The following CTNNBL1 variants were observed in gnomAD, a reference collection of about 807,000 sequenced individuals.
CTNNBL1 encodes catenin beta like 1, also known as beta-catenin-like protein 1.
Under a neutral mutation model 72.7 loss-of-function variants are expected in CTNNBL1, and 31 were observed. The observed-to-expected ratio is 0.43, with a 90% confidence interval of 0.32 to 0.58. CTNNBL1 has a LOEUF of 0.58. Among genes scored for constraint, CTNNBL1 ranks in the 20% least tolerant of loss-of-function variants. CTNNBL1 has a pLI of 0.08. For missense variants in CTNNBL1, 534 were observed against 725.1 expected, an observed-to-expected ratio of 0.74 and a Z score of 3.03; for synonymous variants, 240 against 267.3, an observed-to-expected ratio of 0.90 and a Z score of 1.00.
At chr20:37,845,740 T>C (rs1341042882) in intron 13 of CTNNBL1, among the ~76,000 whole-genome samples, 1 of 152,190 alleles carries the variant, frequency 6.6e-6, no homozygotes, top group East Asian at 1.9e-4. Flanking sequence ...AATTTGAATG[T>C]CCTACACCAA....
chr20:37,746,510 G>A lies in CTNNBL1; in HGVS notation c.369G>A (p.Glu123=). 6.2e-7 allele frequency: 1 copy of A among 1,614,112 alleles called. No homozygotes were observed. Among genetic ancestry groups the A allele is most frequent in the East Asian group, 2.2e-5 (1 of 44,882 alleles). ...TGGACCTAAATGACATCATTCAGGA[G>A]ATGCACGTGGTGGCCACCATGCCAG... ...SELDLNDIIQ[E]MHVVATMPDL... is the part of the protein sequence containing the mutation. Residue 123 remains glutamate (E), a synonymous_variant, in exon 4 of 16, where the codon GAG becomes GAA. Coordinates refer to ENST00000361383, the MANE Select transcript of CTNNBL1 (RefSeq NM_030877.5).
chr20:37,747,094 A>G (rs2073272591), intron 4 of CTNNBL1, among the ~76,000 whole-genome samples: 2 of 152,166 alleles, frequency 1.3e-5, no homozygotes, highest in African/African-American at 4.8e-5. Context: ...TCCTAAAAAC[A>G]AGGCTGAGTG....
intron 7 of CTNNBL1, among the ~76,000 whole-genome samples, chr20:37,771,484 A>G (rs2073523149): frequency 6.6e-6 from 1 of 151,832 alleles, no homozygotes; most frequent in South Asian, 2.1e-4. Context: ...ATCAGATCCC[A>G]CCTTCTCTGC....
chr20:37,720,561 G>GT (rs1337443871), intron 1 of CTNNBL1, among the ~76,000 whole-genome samples: 1 of 152,162 alleles, frequency 6.6e-6, no homozygotes. Context: ...CAGAAAAATA[G>GT]TTTTCATTTA....
chr20:37,705,007 A>G (rs1221752100), intron 1 of CTNNBL1, among the ~76,000 whole-genome samples: 5 of 152,238 alleles, frequency 3.3e-5, no homozygotes, highest in Admixed American at 3.3e-4. Context: ...AACCAATTAG[A>G]GAAGTTTTCG....
chr20:37,749,608 G>A (rs2122630866), intron 4 of CTNNBL1, among the ~76,000 whole-genome samples: 1 of 151,898 alleles, frequency 6.6e-6, no homozygotes, highest in South Asian at 2.1e-4. Flanking sequence ...AAAATCTGAT[G>A]TTTAATTATG....
chr20:37,762,672 G>GGAATA (rs2073428452), intron 5 of CTNNBL1, among the ~76,000 whole-genome samples: 1 of 152,096 alleles, frequency 6.6e-6, no homozygotes, highest in Non-Finnish European at 1.5e-5. Flanking sequence ...GGGGTTAGAG[G>GGAATA]GAATAGAATA....
intron 15 of CTNNBL1, among the ~76,000 whole-genome samples, chr20:37,871,697 C>T (rs902737392): frequency 2.6e-5 from 4 of 151,928 alleles, no homozygotes; most frequent in African/African-American, 7.3e-5. Context: ...TACATGAGGG[C>T]GGAAGTGAAG....
chr20:37,855,138 C>T (rs1414573485), intron 13 of CTNNBL1, among the ~76,000 whole-genome samples: 1 of 147,792 alleles, frequency 6.8e-6, no homozygotes, highest in Non-Finnish European at 1.5e-5. Flanking sequence ...CCCCTTACCC[C>T]TTTCTAATGT....
intron 1 of CTNNBL1, among the ~76,000 whole-genome samples, chr20:37,704,067 G>A (rs1026943270): frequency 8.5e-5 from 13 of 152,134 alleles, no homozygotes; most frequent in African/African-American, 2.9e-4. Flanking sequence ...ATGAGCCACC[G>A]TGCCCGGCCA....
intron 15 of CTNNBL1, among the ~76,000 whole-genome samples, chr20:37,863,571 A>G (rs1308156103): frequency 6.6e-6 from 1 of 152,182 alleles, no homozygotes; most frequent in African/African-American, 2.4e-5. Flanking sequence ...AGGACAGGGC[A>G]GGATGCAGTG....
chr20:37,831,082 C>T (rs1473511346), intron 11 of CTNNBL1, among the ~76,000 whole-genome samples: 1 of 152,232 alleles, frequency 6.6e-6, no homozygotes, highest in Non-Finnish European at 1.5e-5. Context: ...TTTCTGTCCA[C>T]CAACTTTACC....
chr20:37,758,105 T>C (rs1230300950), intron 5 of CTNNBL1, among the ~76,000 whole-genome samples: 1 of 152,226 alleles, frequency 6.6e-6, no homozygotes, highest in Non-Finnish European at 1.5e-5. Context: ...CTTTCACAAA[T>C]GTTTTTCTCA....
At position 37,858,957 on chromosome 20, in the gene CTNNBL1, G is replaced by A. The variant is rs188987947; in HGVS notation, c.1393-942G>A. Among the ~76,000 whole-genome samples the A allele has an allele frequency of 4.9e-4, 75 of 152,270 alleles. 1 individual carries two copies. In the East Asian group the frequency reaches 9.8e-3, roughly 20 times the overall value. On this transcript the variant is annotated intron_variant, in intron 13 of 15. Transcript: ENST00000361383. ...CATTGGTTTCAGAGTTGTGGAGAAAGGGGACCTTTCTCCCCTGTGTTTAAC... is the reference window on the plus strand; with the variant it reads ...CATTGGTTTCAGAGTTGTGGAGAAAAGGGACCTTTCTCCCCTGTGTTTAAC...
chr20:37,824,384 C>T (rs778515684), intron 11 of CTNNBL1, among the ~76,000 whole-genome samples: 1 of 152,240 alleles, frequency 6.6e-6, no homozygotes, highest in African/African-American at 2.4e-5. Context: ...GGCACTAGGA[C>T]CTTCCTCACT....
chr20:37,719,425 C>T lies in CTNNBL1; in HGVS notation c.31-13454C>T, dbSNP rs140982637. On this transcript the variant is annotated intron_variant, in intron 1 of 15. Transcript: ENST00000361383. ...ATGCCCACTCAGCCACAGCGCTAAC[C>T]GGAAGGCTCAATAATCCTCCATTGA... 1.6e-3 allele frequency among the ~76,000 whole-genome samples: 251 copies of T among 152,284 alleles called. 1 individual carries two copies. Among genetic ancestry groups the T allele is most frequent in the African/African-American group, 5.7e-3 (235 of 41,540 alleles).
chr20:37,695,436 C>G (rs916512257), intron 1 of CTNNBL1, among the ~76,000 whole-genome samples: 1 of 152,178 alleles, frequency 6.6e-6, no homozygotes, highest in African/African-American at 2.4e-5. Flanking sequence ...CTCAAGCAGT[C>G]TTCCCACTTG....
intron 13 of CTNNBL1, among the ~76,000 whole-genome samples, chr20:37,848,145 G>T (rs1042449524): frequency 8.5e-6 from 1 of 118,166 alleles, no homozygotes; most frequent in Non-Finnish European, 1.7e-5. Flanking sequence ...CCCACTGCCA[G>T]CTTTTTTTTT....
chr20:37,742,347 G>A (rs568054075), intron 3 of CTNNBL1, among the ~76,000 whole-genome samples: 8 of 152,186 alleles, frequency 5.3e-5, no homozygotes, highest in Non-Finnish European at 8.8e-5. Context: ...CCAAGTTTCT[G>A]TGTTGGACCA....
Sources: allele counts gnomAD v4.1 joint callset (sites outside exome capture counted in the v4.1 genomes callset), GRCh38; gene constraint gnomAD v4.1.1; transcripts MANE v1.5; gene names NCBI Gene and HGNC (gene_info 2026-07-23, HGNC 2026-07-21).